The following AOPEP variants were observed in gnomAD, a reference collection of about 807,000 sequenced individuals.
AOPEP encodes the protein aminopeptidase O.
Under a neutral mutation model 98.1 loss-of-function variants are expected in AOPEP, and 77 were observed. The observed-to-expected ratio is 0.78, with a 90% CI of 0.65 to 0.95. AOPEP has a LOEUF of 0.95. Among genes scored for constraint, AOPEP ranks in the 40% least tolerant of loss-of-function variants. AOPEP has a pLI of 0.00. For missense variants in AOPEP, 1,024 were observed against 1,024.7 expected, an observed-to-expected ratio of 1.00 and a Z score of 0.01; for synonymous variants, 346 against 365.3, an observed-to-expected ratio of 0.95 and a Z score of 0.60.
At chr9:94,809,327 G>A (rs941998783) in intron 5 of AOPEP, among the ~76,000 whole-genome samples, 2 of 152,174 alleles carry the variant, frequency 1.3e-5, no homozygotes, top group African/African-American at 4.8e-5. Flanking sequence ...GTATATCTGT[G>A]CATCTTGAAG....
Position 94,988,564 on chromosome 9 carries a change from C to T in AOPEP, c.1977+9137C>T, listed in dbSNP as rs77212873. Among the ~76,000 whole-genome samples, 1,058 of 152,190 alleles carry T rather than the reference C, an allele frequency of 7.0e-3. 10 individuals carry two copies. Among genetic ancestry groups the T allele is most frequent in the African/African-American group, 0.024 (993 of 41,512 alleles). ...ATGAAGGATAACCCAGTCCTGCCTTCGAACATCGAAGGATAACCAGAAGGA... is the reference window on the plus strand; with the variant it reads ...ATGAAGGATAACCCAGTCCTGCCTTTGAACATCGAAGGATAACCAGAAGGA... On this transcript the variant is annotated intron_variant, in intron 11 of 16. Coordinates refer to ENST00000375315, the MANE Select transcript of AOPEP (RefSeq NM_001193329.3).
chr9:95,144,169 T>C, the AOPEP span, among the ~76,000 whole-genome samples: 1 of 152,194 alleles, frequency 6.6e-6, no homozygotes, highest in Non-Finnish European at 1.5e-5. Context: ...TTTGCACTGA[T>C]TGATTGGATC....
intron 2 of AOPEP, among the ~76,000 whole-genome samples, chr9:94,763,758 G>A (rs995485961): frequency 3.9e-5 from 6 of 152,212 alleles, no homozygotes; most frequent in African/African-American, 9.7e-5. Flanking sequence ...ACAAGGGGCC[G>A]TCCGAAAGAG....
At chr9:95,003,594 C>T (rs940580892) in intron 11 of AOPEP, among the ~76,000 whole-genome samples, 1 of 152,196 alleles carries the variant, frequency 6.6e-6, no homozygotes, top group African/African-American at 2.4e-5. Flanking sequence ...ATCCACTTCA[C>T]CATTTATAAT....
At chr9:95,086,529 C>T (rs2070723804) in intron 16 of AOPEP, 153 bp from the exon 17 acceptor site, 1 of 985,244 alleles carries the variant, frequency 1.0e-6, no homozygotes, top group African/African-American at 1.7e-5. Context: ...CGCTGTGACC[C>T]GTCCCGGAGA....
At chr9:94,931,087 T>C (rs2055223582) in intron 7 of AOPEP, among the ~76,000 whole-genome samples, 1 of 152,132 alleles carries the variant, frequency 6.6e-6, no homozygotes, top group Non-Finnish European at 1.5e-5. Context: ...TCAGTAAATG[T>C]GAGTTTTGGT....
intron 13 of AOPEP, among the ~76,000 whole-genome samples, chr9:95,018,358 T>G (rs2063178520): frequency 6.6e-6 from 1 of 152,224 alleles, no homozygotes; most frequent in Admixed American, 6.5e-5. Flanking sequence ...TTTTTTATAC[T>G]TAACATTTTA....
chr9:95,049,323 A>G (rs1320287498), intron 13 of AOPEP, among the ~76,000 whole-genome samples: 2 of 152,254 alleles, frequency 1.3e-5, no homozygotes, highest in Non-Finnish European at 2.9e-5. Flanking sequence ...AAAATGCGGG[A>G]TGCAAGCAGT....
intron 6 of AOPEP, among the ~76,000 whole-genome samples, chr9:94,926,121 C>A (rs2054282922): frequency 6.6e-6 from 1 of 152,218 alleles, no homozygotes; most frequent in Non-Finnish European, 1.5e-5. Context: ...GGCATCTGAT[C>A]ATGGAACCTC....
chr9:95,134,836 G>A, the AOPEP span, among the ~76,000 whole-genome samples: 7 of 152,178 alleles, frequency 4.6e-5, no homozygotes, highest in African/African-American at 7.2e-5. Flanking sequence ...GGAGCCAGGC[G>A]CCACCGCGCA....
chr9:94,891,419 C>G (rs1047958713), intron 5 of AOPEP, among the ~76,000 whole-genome samples: 1 of 152,120 alleles, frequency 6.6e-6, no homozygotes, highest in Non-Finnish European at 1.5e-5. Context: ...TTATGATATG[C>G]TAGGGCTTAA....
In AOPEP at chr9:94,928,429, C is replaced by T. The variant is rs1453724401; in HGVS notation, c.1559C>T (p.Ala520Val). 1.3e-6 allele frequency: 2 copies of T among 1,546,780 alleles called. No individual in the cohort carries two copies. Among genetic ancestry groups the T allele is most frequent in the South Asian group, 1.2e-5 (1 of 84,020 alleles). The change falls in exon 7 of 17, where the codon GCC becomes GTC. Residue 520 changes from alanine (A) to valine (V), a missense_variant. By Grantham distance (64) the Ala-to-Val change is moderately conservative. Coordinates refer to ENST00000375315, the MANE Select transcript of AOPEP (RefSeq NM_001193329.3). ...DVFWATAQQL[A>V]PYEAREQQEL... ...TGTGTGTCTGTGGCTGAGCAGCTGGCCCCCTATGAGGCCCGGGAGCAGCAG... is the reference window on the plus strand; with the variant it reads ...TGTGTGTCTGTGGCTGAGCAGCTGGTCCCCTATGAGGCCCGGGAGCAGCAG...
intron 10 of AOPEP, among the ~76,000 whole-genome samples, chr9:94,970,451 G>T (rs1367040465): frequency 2.0e-5 from 3 of 152,092 alleles, no homozygotes; most frequent in Admixed American, 1.3e-4. Flanking sequence ...CATTAAGCAA[G>T]CCAGGCATCA....
chr9:94,954,133 GC>G (rs1347524051), intron 7 of AOPEP, among the ~76,000 whole-genome samples: 1 of 152,090 alleles, frequency 6.6e-6, no homozygotes, highest in Non-Finnish European at 1.5e-5. Flanking sequence ...GACCAGCCTG[GC>G]CAACATGGCG....
At chr9:94,886,838 A>G (rs1335950834) in intron 5 of AOPEP, among the ~76,000 whole-genome samples, 1 of 152,234 alleles carries the variant, frequency 6.6e-6, no homozygotes, top group Non-Finnish European at 1.5e-5. Context: ...GGGTTTGTAT[A>G]TATAAATCTG....
At chr9:94,863,523 C>T (rs2045347243) in intron 5 of AOPEP, among the ~76,000 whole-genome samples, 1 of 152,132 alleles carries the variant, frequency 6.6e-6, no homozygotes, top group South Asian at 2.1e-4. Flanking sequence ...CTCAGGTGAT[C>T]CGCCTGCATG....
chr9:94,907,589 C>G (rs550910233), intron 5 of AOPEP, among the ~76,000 whole-genome samples: 1 of 152,108 alleles, frequency 6.6e-6, no homozygotes, highest in Non-Finnish European at 1.5e-5. Context: ...CATGTGTGCA[C>G]ACACATGCAC....
chr9:94,978,070 A>G (rs1409611572), intron 10 of AOPEP, among the ~76,000 whole-genome samples: 1 of 151,434 alleles, frequency 6.6e-6, no homozygotes, highest in Non-Finnish European at 1.5e-5. Flanking sequence ...CCCAAAGCCA[A>G]CCCCTCCTTC....
chr9:95,090,136 G>A (rs982788399), downstream of AOPEP, among the ~76,000 whole-genome samples: 1 of 152,242 alleles, frequency 6.6e-6, no homozygotes, highest in Non-Finnish European at 1.5e-5. Context: ...GCCGCAACAC[G>A]CCACCCTGGC....
Sources: gnomAD v4.1 joint callset for allele counts (sites outside exome capture counted in the v4.1 genomes callset) on GRCh38, gnomAD v4.1.1 for gene constraint, MANE v1.5 for transcripts, NCBI Gene and HGNC (gene_info 2026-07-23, HGNC 2026-07-21) for gene names.